Variants in EEPD1 observed in about 807,000 individuals in gnomAD.
The protein encoded by EEPD1 is endonuclease/exonuclease/phosphatase family domain containing 1.
A neutral mutation model predicts 46.3 loss-of-function variants in EEPD1; 17 were observed. The observed-to-expected ratio is 0.37, with a 90% CI of 0.25 to 0.55. The LOEUF (loss-of-function observed/expected upper bound fraction) is 0.55. Among genes scored for constraint, EEPD1 ranks in the 20% least tolerant of loss-of-function variants. EEPD1 has a pLI of 0.83. For synonymous variants in EEPD1, 313 were observed against 315.6 expected, an observed-to-expected ratio of 0.99 and a Z score of 0.09; for missense variants, 673 against 745.6, an observed-to-expected ratio of 0.90 and a Z score of 1.13.
At chr7:36,278,619 G>A (rs1787217380) in intron 3 of EEPD1, among the ~76,000 whole-genome samples, 1 of 152,272 alleles carries the variant, frequency 6.6e-6, no homozygotes, top group East Asian at 1.9e-4. Flanking sequence ...CACCAGCTGG[G>A]CACTGGAGAG....
At chr7:36,202,532 C>T (rs991511916) in intron 2 of EEPD1, among the ~76,000 whole-genome samples, 105 of 152,134 alleles carry the variant, frequency 6.9e-4, no homozygotes, top group African/African-American at 2.4e-3. Flanking sequence ...CCAGGCTCTG[C>T]GAGGGTGTCC....
chr7:36,249,788 C>T (rs912698875), intron 3 of EEPD1, among the ~76,000 whole-genome samples: 1 of 152,162 alleles, frequency 6.6e-6, no homozygotes, highest in African/African-American at 2.4e-5. Flanking sequence ...TTCGTATCTC[C>T]TGTAGCTCGC....
chr7:36,238,168 A>G (rs1786491287), intron 2 of EEPD1, among the ~76,000 whole-genome samples: 1 of 152,238 alleles, frequency 6.6e-6, no homozygotes. Context: ...ATGCTAATGC[A>G]TTATAATTAA....
At chr7:36,297,230 A>G (rs1787542019) in intron 7 of EEPD1, 43 bp downstream of exon 7, 2 of 1,599,460 alleles carry the variant, frequency 1.3e-6, no homozygotes, top group Non-Finnish European at 8.5e-7. Flanking sequence ...TCAGGAATGG[A>G]GTGAGAGAAA....
chr7:36,154,199 C>G lies in EEPD1; in HGVS notation c.-126C>G. 5 of 1,216,268 alleles carry G rather than the reference C, an allele frequency of 4.1e-6. No individual in the cohort carries two copies. Among genetic ancestry groups the G allele is most frequent in the Non-Finnish European group, 5.6e-6 (5 of 898,586 alleles). 75.3% of individuals were successfully genotyped at this position (1,216,268 alleles called of 1,614,324 possible). ...AGATTCGGTGTTTGTCTATAGTAAC[C>G]TCTTCAGTCCCTGAATCCTGCACCT... On this transcript the variant is annotated 5_prime_UTR_variant, in exon 2 of 8. Coordinates refer to ENST00000242108, the MANE Select transcript of EEPD1 (RefSeq NM_030636.3). The surrounding 1 kb of genome is among the most constrained non-coding windows in gnomAD (Gnocchi z 4.2).
intron 2 of EEPD1, among the ~76,000 whole-genome samples, chr7:36,207,063 A>C (rs561652145): frequency 2.6e-5 from 4 of 152,206 alleles, no homozygotes; most frequent in African/African-American, 7.2e-5. Context: ...ACAAAAACAA[A>C]AACAACAACA....
chr7:36,218,906 G>A (rs1786081667), intron 2 of EEPD1, among the ~76,000 whole-genome samples: 1 of 152,118 alleles, frequency 6.6e-6, no homozygotes, highest in African/African-American at 2.4e-5. Context: ...AGATGAGGAG[G>A]GAATTTGGTT....
At chr7:36,245,176 G>T (rs1786617954) in intron 3 of EEPD1, among the ~76,000 whole-genome samples, 1 of 152,110 alleles carries the variant, frequency 6.6e-6, no homozygotes, top group African/African-American at 2.4e-5. Context: ...TTGATCTCCG[G>T]GCCTCAGGTC....
intron 4 of EEPD1, among the ~76,000 whole-genome samples, chr7:36,283,785 G>A (rs1289584329): frequency 6.6e-6 from 1 of 152,244 alleles, no homozygotes; most frequent in East Asian, 1.9e-4. Context: ...TGGGGACTTT[G>A]TGGTGGCTGC....
intron 2 of EEPD1, among the ~76,000 whole-genome samples, chr7:36,230,208 C>T (rs1314821680): frequency 1.3e-5 from 2 of 151,982 alleles, no homozygotes; most frequent in Non-Finnish European, 2.9e-5. Context: ...CACAGGCCAC[C>T]TTCATCTCTT....
chr7:36,294,752 A>G (rs1261664847), intron 6 of EEPD1, among the ~76,000 whole-genome samples: 3 of 152,240 alleles, frequency 2.0e-5, no homozygotes, highest in Non-Finnish European at 2.9e-5. Context: ...GAGAGTTCAT[A>G]TAAATCAATA....
intron 3 of EEPD1, among the ~76,000 whole-genome samples, chr7:36,252,486 A>T (rs1364850347): frequency 2.0e-5 from 3 of 152,168 alleles, no homozygotes; most frequent in Non-Finnish European, 4.4e-5. Context: ...CATGCTAAAA[A>T]CTTTTCCTGT....
chr7:36,227,602 A>G (rs1376391449), intron 2 of EEPD1, among the ~76,000 whole-genome samples: 1 of 152,164 alleles, frequency 6.6e-6, no homozygotes, highest in Non-Finnish European at 1.5e-5. Context: ...TGTCTTCTAA[A>G]ATTTGGTGAT....
chr7:36,235,441 G>A (rs185028188), intron 2 of EEPD1, among the ~76,000 whole-genome samples: 6 of 152,310 alleles, frequency 3.9e-5, no homozygotes, highest in African/African-American at 1.4e-4. Context: ...CTCTGTGATC[G>A]CCTTTTTTCC....
intron 2 of EEPD1, among the ~76,000 whole-genome samples, chr7:36,199,258 A>G (rs1413974653): frequency 6.6e-6 from 1 of 152,184 alleles, no homozygotes; most frequent in South Asian, 2.1e-4. Context: ...TTTGGGTATC[A>G]GGAAACTGAG....
At chr7:36,260,524 C>T (rs977230496) in intron 3 of EEPD1, among the ~76,000 whole-genome samples, 2 of 152,238 alleles carry the variant, frequency 1.3e-5, no homozygotes, top group African/African-American at 4.8e-5. Context: ...AAGAGCAACT[C>T]ATACTTCTTT....
intron 2 of EEPD1, among the ~76,000 whole-genome samples, chr7:36,223,011 C>T (rs1376111115): frequency 3.9e-5 from 6 of 151,962 alleles, no homozygotes; most frequent in African/African-American, 9.7e-5. Flanking sequence ...ATTAGGCAGG[C>T]GTGGTGGCGG....
intron 3 of EEPD1, among the ~76,000 whole-genome samples, chr7:36,268,851 CAG>C (rs1162792668): frequency 1.3e-5 from 2 of 152,206 alleles, no homozygotes; most frequent in Admixed American, 1.3e-4. Context: ...GATGGTGAAA[CAG>C]AGGCACAGAA....
chr7:36,204,393 TTATC>T (rs1338078707), intron 2 of EEPD1, among the ~76,000 whole-genome samples: 4 of 151,754 alleles, frequency 2.6e-5, no homozygotes, highest in African/African-American at 9.7e-5. Context: ...GCATAATAAT[TTATC>T]TAAGAACAGC....
Sources: allele counts gnomAD v4.1 joint callset (sites outside exome capture counted in the v4.1 genomes callset), GRCh38; gene constraint gnomAD v4.1.1; non-coding constraint Gnocchi (gnomAD v3.1); transcripts MANE v1.5; gene names NCBI Gene and HGNC (gene_info 2026-07-23, HGNC 2026-07-21).